Variants in NRDE2 observed in about 807,000 individuals in gnomAD.
The protein encoded by NRDE2 is nuclear exosome regulator NRDE2.
A neutral mutation model predicts 124.2 loss-of-function variants in NRDE2; 76 were observed. The observed-to-expected ratio is 0.61, with a 90% confidence interval of 0.51 to 0.74. The LOEUF is 0.74. Ranked by LOEUF, NRDE2 falls within the 30% of genes least tolerant of loss-of-function variation. The pLI, the probability that NRDE2 is intolerant of heterozygous loss-of-function variation, is 0.00. For missense variants in NRDE2, 1,314 were observed against 1,417.3 expected (o/e 0.93, Z 1.17); for synonymous variants, 489 against 528.1 (o/e 0.93, Z 1.01).
In NRDE2 at chr14:90,276,625, G is replaced by C. The variant is rs1422954454; in HGVS notation, c.*1711C>G. ...TTTTAAACCTCCTCCCATGCAGCAA[G>C]TAATGTGCTCGCAATCTGTTCGAGC... is the stretch of plus-strand genomic sequence containing the variant. On this transcript the variant is annotated 3_prime_UTR_variant, in exon 14 of 14. Transcript: ENST00000354366. The C allele has an allele frequency of 6.6e-6, 1 of 152,068 alleles. No homozygotes were observed. Among genetic ancestry groups the C allele is most frequent in the African/African-American group, 2.4e-5 (1 of 41,394 alleles). The allele number at this position is 152,068 out of a possible 1,614,324, so 9.4% of individuals were successfully genotyped here. A position where few individuals can be genotyped will look rare whatever the true frequency, so the allele number is the denominator to read the frequency against.
chr14:90,304,476 G>GTGAACCTGCATAAC, intron 4 of NRDE2, 94 bp from the exon 5 acceptor site: 1 of 887,476 alleles, frequency 1.1e-6, no homozygotes, highest in Non-Finnish European at 1.7e-6. Context: ...TCGTTATGCA[G>GTGAACCTGCATAAC]GTTCACTGCA....
At chr14:90,306,310 C>T (rs1884600303) in intron 4 of NRDE2, among the ~76,000 whole-genome samples, 1 of 152,180 alleles carries the variant, frequency 6.6e-6, no homozygotes, top group Non-Finnish European at 1.5e-5. Context: ...TCAACAGGTC[C>T]CCTCTCTAAG....
At chr14:90,331,469 G>A (rs1422781225) in intron 1 of NRDE2, among the ~76,000 whole-genome samples, 1 of 152,198 alleles carries the variant, frequency 6.6e-6, no homozygotes, top group Non-Finnish European at 1.5e-5. Flanking sequence ...GAAGTAATAT[G>A]TAATAAAAAC....
chr14:90,302,838 G>C lies in NRDE2; in HGVS notation c.1293C>G (p.Thr431=). ...GACTGTGAATTTTTGATATCGAAAA[G>C]GTACTAAACTGGCTCTGGCAAAATA... The part of the protein sequence containing the change: ...YLLFCQSQFS[T]FSISKIHSLY... Residue 431 remains threonine (T), a synonymous_variant, in exon 6 of 14, where the codon ACC becomes ACG. Transcript: ENST00000354366. 1 of 1,614,074 alleles carries C rather than the reference G, an allele frequency of 6.2e-7. No individual in the cohort carries two copies. The highest frequency in any genetic ancestry group is 1.3e-5 in the African/African-American group (1 of 75,024).
chr14:90,268,179 C>T lies in NRDE2; in HGVS notation c.*10157G>A. The T allele has an allele frequency of 6.9e-7, 1 of 1,453,274 alleles. No individual in the cohort carries two copies. Among genetic ancestry groups the T allele is most frequent in the Non-Finnish European group, 9.2e-7 (1 of 1,089,396 alleles). The allele number at this position is 1,453,274 out of a possible 1,614,324, so 90.0% of individuals were successfully genotyped here. ...GATACGAGTTTTTAAGTTAAAATGG[C>T]ACTTAAGGTGTCTTTTTTTTTTTTA... On this transcript the variant is annotated 3_prime_UTR_variant, in exon 14 of 14. Coordinates refer to ENST00000354366, the MANE Select transcript of NRDE2 (RefSeq NM_017970.4).
chr14:90,310,936 C>A (rs916097259), intron 4 of NRDE2, among the ~76,000 whole-genome samples: 2 of 152,124 alleles, frequency 1.3e-5, no homozygotes, highest in African/African-American at 4.8e-5. Flanking sequence ...ATATAATAGT[C>A]ATTTATACTC....
intron 7 of NRDE2, among the ~76,000 whole-genome samples, chr14:90,299,166 C>T (rs530438336): frequency 3.4e-4 from 52 of 152,288 alleles, no homozygotes; most frequent in Admixed American, 1.4e-3. Context: ...CCTACCTCAG[C>T]CTCCCGAGTA....
At chr14:90,281,833 C>T (rs1276689000) in intron 12 of NRDE2, among the ~76,000 whole-genome samples, 9 of 152,192 alleles carry the variant, frequency 5.9e-5, no homozygotes, top group Non-Finnish European at 1.3e-4. Flanking sequence ...TCCATGTGCT[C>T]CTGAGAGAAG....
intron 12 of NRDE2, among the ~76,000 whole-genome samples, chr14:90,283,585 T>G (rs1595054755): frequency 6.6e-6 from 1 of 152,344 alleles, no homozygotes; most frequent in Admixed American, 6.5e-5. Context: ...CTCAAACTGT[T>G]GTCTCTACTA....
At chr14:90,290,159 G>A (rs3742672) in intron 10 of NRDE2, 62 bp downstream of exon 10, 498,742 of 1,551,882 alleles carry the variant, frequency 0.32, 85,690 homozygotes, top group Non-Finnish European at 0.36. Flanking sequence ...TTACAATCCC[G>A]TTTATAAACA....
At chr14:90,312,864 AC>A (rs1163424311) in intron 3 of NRDE2, among the ~76,000 whole-genome samples, 1 of 152,214 alleles carries the variant, frequency 6.6e-6, no homozygotes, top group South Asian at 2.1e-4. Flanking sequence ...GATTACTGTA[AC>A]CTGAATTTCA....
At chr14:90,324,927 G>A (rs1885365226) in intron 1 of NRDE2, among the ~76,000 whole-genome samples, 1 of 152,198 alleles carries the variant, frequency 6.6e-6, no homozygotes, top group Admixed American at 6.5e-5. Flanking sequence ...CAACAGTGTG[G>A]AGAGTGGCTC....
At chr14:90,299,743 G>A (rs1446329293) in intron 7 of NRDE2, among the ~76,000 whole-genome samples, 1 of 152,166 alleles carries the variant, frequency 6.6e-6, no homozygotes, top group Admixed American at 6.5e-5. Context: ...GAACCAGGAC[G>A]ACTACGCTCC....
intron 1 of NRDE2, among the ~76,000 whole-genome samples, chr14:90,330,004 C>T (rs1885608729): frequency 6.6e-6 from 1 of 151,348 alleles, no homozygotes; most frequent in Admixed American, 6.6e-5. Context: ...GTTAGGAGTT[C>T]GAGACCAGCC....
intron 4 of NRDE2, chr14:90,304,593 A>T: frequency 6.0e-6 from 3 of 496,810 alleles, no homozygotes; most frequent in Non-Finnish European, 1.1e-5. Flanking sequence ...TAACACTTCA[A>T]CTCTTCTTTA....
intron 3 of NRDE2, among the ~76,000 whole-genome samples, chr14:90,315,941 G>A (rs188376971): frequency 2.5e-4 from 32 of 130,230 alleles, no homozygotes; most frequent in African/African-American, 9.3e-4. Flanking sequence ...TGGGCAACTG[G>A]AGTGAAACCC....
chr14:90,329,611 C>A (rs1381056973), intron 1 of NRDE2, among the ~76,000 whole-genome samples: 1 of 151,602 alleles, frequency 6.6e-6, no homozygotes, highest in South Asian at 2.1e-4. Flanking sequence ...CCGAGGTGGG[C>A]GGATTATCTA....
chr14:90,270,592 G>A lies in NRDE2; in HGVS notation c.*7744C>T, dbSNP rs2139652245. The A allele has an allele frequency of 4.9e-6, 2 of 407,788 alleles. No homozygotes were observed. Among genetic ancestry groups the A allele is most frequent in the South Asian group, 5.2e-5 (1 of 19,210 alleles). The allele number at this position is 407,788 out of a possible 1,614,324, so 25.3% of individuals were successfully genotyped here. On this transcript the variant is annotated 3_prime_UTR_variant, in exon 14 of 14. Coordinates refer to ENST00000354366, the MANE Select transcript of NRDE2 (RefSeq NM_017970.4). Reference sequence around the variant, plus strand: ...CTGGAGCCACAAGGCTGAGTCGCTGGTACTAAGCCTTAGGCCCAGGTGACT... The same window carrying A: ...CTGGAGCCACAAGGCTGAGTCGCTGATACTAAGCCTTAGGCCCAGGTGACT...
chr14:90,326,329 C>A (rs1406568432), intron 1 of NRDE2, among the ~76,000 whole-genome samples: 3 of 150,848 alleles, frequency 2.0e-5, no homozygotes, highest in Non-Finnish European at 2.9e-5. Context: ...CCCGTCTCTA[C>A]TAAAAATACA....
Sources: gnomAD v4.1 joint callset for allele counts (sites outside exome capture counted in the v4.1 genomes callset) on GRCh38, gnomAD v4.1.1 for gene constraint, MANE v1.5 for transcripts, NCBI Gene and HGNC (gene_info 2026-07-23, HGNC 2026-07-21) for gene names.